GALK1: variants seen among roughly 807,000 people sequenced by gnomAD.
GALK1 encodes galactokinase.
In GALK1, 30 loss-of-function variants were observed where a neutral mutation model predicts 38.6. The observed-to-expected ratio is 0.78, with a 90% CI of 0.58 to 1.05. The LOEUF (loss-of-function observed/expected upper bound fraction) is 1.05, where lower values mean the gene tolerates loss of function less well. Among genes scored for constraint, GALK1 ranks in the 50% least tolerant of loss-of-function variants. The pLI is 0.00. For missense variants in GALK1, 512 were observed against 540.5 expected, an observed-to-expected ratio of 0.95 and a Z score of 0.52; for synonymous variants, 240 against 233.6, an observed-to-expected ratio of 1.03 and a Z score of -0.25.
chr17:75,752,101 C>G lies in GALK1; in HGVS notation c.*23-364G>C, dbSNP rs560296187. On this transcript the variant is annotated intron_variant, in intron 8 of 8. Transcript: ENST00000225614. ...GCCATCCAGGGGATGCACGGCCGTC[C>G]TGCTGTGTCAGGGGTGGTGTTGGGA... 1.4e-5 allele frequency: 21 copies of G among 1,513,568 alleles called. No homozygotes were observed. In the East Asian group the frequency reaches 4.7e-4, roughly 34 times the overall value. The allele number at this position is 1,513,568 out of a possible 1,614,324, so 93.8% of individuals were successfully genotyped here.
intron 8 of GALK1, chr17:75,751,890 C>T (rs1357670757): frequency 5.9e-6 from 3 of 504,762 alleles, no homozygotes; most frequent in Non-Finnish European, 1.1e-5. Flanking sequence ...TGTGGAGGCA[C>T]CGTGGATATA....
chr17:75,753,963 G>C (rs1477160457), downstream of GALK1: 10 of 1,262,522 alleles, frequency 7.9e-6, no homozygotes, highest in Admixed American at 4.2e-4. Flanking sequence ...GCGACACCCG[G>C]GCCCCCCGGA....
chr17:75,758,626 C>G, intron 5 of GALK1, 27 bp from the exon 6 acceptor site: 1 of 1,571,174 alleles, frequency 6.4e-7, no homozygotes, highest in Non-Finnish European at 8.6e-7. Flanking sequence ...AGTCAGCAGC[C>G]GCCTTCTCAC....
rs149825190 is a variant in GALK1 at position 75,762,751 on chromosome 17, G to A, written c.746C>T (p.Ala249Val). 926 of 1,613,720 alleles carry A rather than the reference G, an allele frequency of 5.7e-4. 2 individuals are homozygous for A. Among genetic ancestry groups the A allele is most frequent in the Admixed American group, 2.2e-3 (131 of 59,994 alleles). ...CTCCCGGAGGCTTTCCTTGCCCAGC[G>A]CCCGGGCCACTTCTTCACATTGGCG... Reference protein sequence around the residue: ...RRRQCEEVARALGKESLREVQ... With the variant: ...RRRQCEEVARVLGKESLREVQ... Residue 249 changes from alanine (A) to valine (V), a missense_variant, in exon 5 of 8, where the codon GCG becomes GTG. Transcript: ENST00000588479.
downstream of GALK1, among the ~76,000 whole-genome samples, chr17:75,753,066 G>A (rs2061404625): frequency 6.6e-6 from 1 of 152,254 alleles, no homozygotes; most frequent in South Asian, 2.1e-4. Context: ...GGCTCCACCT[G>A]TGGGACATCA....
chr17:75,752,268 C>T (rs747643344), intron 8 of GALK1: 3 of 1,613,534 alleles, frequency 1.9e-6, no homozygotes, highest in African/African-American at 1.3e-5. Flanking sequence ...CCTACCGCTA[C>T]ACGGTGAAGG....
At chr17:75,762,629 C>T in intron 5 of GALK1, 75 bp downstream of exon 5, 1 of 1,520,818 alleles carries the variant, frequency 6.6e-7, no homozygotes, top group Non-Finnish European at 9.1e-7. Context: ...GGGTCCCAGG[C>T]AGGGTCAAGG....
At chr17:75,754,625 C>T (rs1478734026), downstream of GALK1, 2 of 1,614,036 alleles carry the variant, frequency 1.2e-6, no homozygotes, top group Non-Finnish European at 1.7e-6. Context: ...GCAGCACCAA[C>T]TCCCTGCACA....
chr17:75,763,464 G>T (rs1196717285), intron 2 of GALK1, 25 bp from the exon 3 acceptor site: 8 of 1,570,894 alleles, frequency 5.1e-6, no homozygotes, highest in East Asian at 4.8e-5. Flanking sequence ...ACAGGTGATG[G>T]TAAGAGGGGC....
At chr17:75,757,579 A>G, downstream of GALK1, 1 of 1,612,060 alleles carries the variant, frequency 6.2e-7, no homozygotes, top group Non-Finnish European at 8.5e-7. Flanking sequence ...CACCCCCGCC[A>G]CGTCCCACTA....
Position 75,765,087 on chromosome 17 carries a change from C to T in GALK1, c.50G>A (p.Arg17Gln). ...PQVAELLAEA[R>Q]RAFREEFGAE... ...CCCGAACTCCTCCCGGAAGGCTCGCCGGGCCTCGGCCAGCAGCTCCGCGAC... is the reference window on the plus strand; with the variant it reads ...CCCGAACTCCTCCCGGAAGGCTCGCTGGGCCTCGGCCAGCAGCTCCGCGAC... The change falls in exon 1 of 8, where the codon CGG (arginine) becomes CAG (glutamine). Residue 17 changes from arginine (R) to glutamine (Q), a missense_variant. By Grantham distance (43) the Arg-to-Gln change is conservative. Transcript: ENST00000588479. 1 of 1,593,480 alleles carries T rather than the reference C, an allele frequency of 6.3e-7. No homozygotes were observed. Among genetic ancestry groups the T allele is most frequent in the South Asian group, 1.1e-5 (1 of 88,682 alleles).
At chr17:75,763,649 G>A (rs553571104) in intron 2 of GALK1, 3 of 697,708 alleles carry the variant, frequency 4.3e-6, no homozygotes, top group African/African-American at 1.8e-5. Flanking sequence ...ACTTCTAATT[G>A]TCCTCCTGGT....
At chr17:75,757,778 A>G (rs979208205), downstream of GALK1, 2 of 690,704 alleles carry the variant, frequency 2.9e-6, no homozygotes, top group Non-Finnish European at 4.9e-6. Context: ...ACAAGGACCC[A>G]GCCTTTGTTC....
At chr17:75,753,869 G>A (rs543945383), downstream of GALK1, 3 of 1,358,880 alleles carry the variant, frequency 2.2e-6, no homozygotes, top group Non-Finnish European at 9.5e-7. Flanking sequence ...GGCCAGCAGC[G>A]GGCGCTCCTC....
At chr17:75,755,938 G>C, downstream of GALK1, 1 of 1,490,198 alleles carries the variant, frequency 6.7e-7, no homozygotes, top group Non-Finnish European at 9.1e-7. Context: ...GCTGTGTCAG[G>C]AACCCACCCA....
Position 75,764,033 on chromosome 17 carries a change from C to A in GALK1, c.219G>T (p.Val73=). ...CACCCTCAGAGGTGGTGAGGAGAGACACCAGCCCATCCTTGCGGGGGCTGC... is the reference window on the plus strand; with the variant it reads ...CACCCTCAGAGGTGGTGAGGAGAGAAACCAGCCCATCCTTGCGGGGGCTGC... ...LVGSPRKDGL[V]SLLTTSEGAD... is the part of the protein sequence containing the mutation. The change falls in exon 2 of 8, where the codon GTG becomes GTT. Residue 73 remains valine (V), a synonymous_variant. Transcript: ENST00000588479. 3 of 1,604,630 alleles carry A rather than the reference C, an allele frequency of 1.9e-6. No homozygotes were observed. Among genetic ancestry groups the A allele is most frequent in the Non-Finnish European group, 2.5e-6 (3 of 1,176,912 alleles).
rs1435907524 is a variant in GALK1, at chr17:75,762,903, T to TG, written c.612-19dup. The TG allele has an allele frequency of 1.9e-6, 3 of 1,612,670 alleles. No homozygotes were observed. Among genetic ancestry groups the TG allele is most frequent in the Non-Finnish European group, 8.5e-7 (1 of 1,179,836 alleles). ...CCAAGGACCTGGGGTGGAGTTACAA[T>TG]GGGGGAGATGACGAGGCCAAGCGTG... is the stretch of plus-strand genomic sequence containing the variant. On this transcript the variant is annotated intron_variant, in intron 4 of 7. Transcript: ENST00000588479.
chr17:75,754,844 C>G, downstream of GALK1: 2 of 1,613,882 alleles, frequency 1.2e-6, no homozygotes, highest in Non-Finnish European at 1.7e-6. Flanking sequence ...CCCTGCCTCT[C>G]CCACTAACCC....
rs529993882 is a variant in GALK1 at position 75,764,603 on chromosome 17, G to C, written c.165+369C>G. ...CGGGCTGGGCCAGAAGGCTACGTTCGCCCAGGTCTGCGGTTGGGGCCCCAC... is the reference window on the plus strand; with the variant it reads ...CGGGCTGGGCCAGAAGGCTACGTTCCCCCAGGTCTGCGGTTGGGGCCCCAC... On this transcript the variant is annotated intron_variant, in intron 1 of 7. Coordinates refer to ENST00000588479, the MANE Select transcript of GALK1 (RefSeq NM_000154.2). 4 of 454,804 alleles carry C rather than the reference G, an allele frequency of 8.8e-6. No homozygotes were observed. In the Admixed American group the frequency reaches 1.2e-4, roughly 13 times the overall value. 28.2% of individuals were successfully genotyped at this position (454,804 alleles called of 1,614,324 possible).
Sources: allele counts gnomAD v4.1 joint callset (sites outside exome capture counted in the v4.1 genomes callset), GRCh38; gene constraint gnomAD v4.1.1; transcripts MANE v1.5; gene names NCBI Gene and HGNC (gene_info 2026-07-23, HGNC 2026-07-21).